Variants in NT5C2 observed in about 807,000 individuals in gnomAD.
The protein encoded by NT5C2 is cytosolic purine 5'-nucleotidase.
A neutral mutation model predicts 76.1 loss-of-function variants in NT5C2; 58 were observed. The observed-to-expected ratio is 0.76, with a 90% confidence interval of 0.62 to 0.95. The LOEUF (loss-of-function observed/expected upper bound fraction) is 0.95. NT5C2 is among the 40% of genes least tolerant of loss of function. The probability of loss-of-function intolerance (pLI) is 0.00; values close to 1 mark genes in which losing one functional copy is unlikely to be tolerated. For synonymous variants in NT5C2, 229 were observed against 237.4 expected (o/e 0.96, Z 0.32); for missense variants, 478 against 690.3 (o/e 0.69, Z 3.45).
At chr10:103,183,973 A>T (rs2091674544) in intron 1 of NT5C2, among the ~76,000 whole-genome samples, 2 of 150,210 alleles carry the variant, frequency 1.3e-5, no homozygotes, top group African/African-American at 4.9e-5. Context: ...TTTTTTTGAG[A>T]CAGAGTTTCA....
intron 1 of NT5C2, among the ~76,000 whole-genome samples, chr10:103,192,807 T>C (rs1407686893): frequency 6.6e-6 from 1 of 151,902 alleles, no homozygotes; most frequent in Non-Finnish European, 1.5e-5. Context: ...GGGAACAGCC[T>C]GGAATCAGCT....
At chr10:103,094,080 T>TCA in intron 13 of NT5C2, 42 bp from the exon 14 acceptor site, 2 of 1,521,294 alleles carry the variant, frequency 1.3e-6, no homozygotes, top group Non-Finnish European at 1.8e-6. Context: ...TATCATCCTA[T>TCA]CACAATCCTC....
Position 103,088,525 on chromosome 10 carries a change from T to A in NT5C2, c.*1147A>T, listed in dbSNP as rs2134411462. On this transcript the variant is annotated 3_prime_UTR_variant, in exon 19 of 19. Transcript: ENST00000404739. Reference sequence around the variant, plus strand: ...TCAGCCTCCTGAGTAGATGATGGGATTACAGGCATGCACCACCACGCCCAG... The same window carrying A: ...TCAGCCTCCTGAGTAGATGATGGGAATACAGGCATGCACCACCACGCCCAG... The A allele has an allele frequency of 6.6e-6, 1 of 152,624 alleles. No individual in the cohort carries two copies. The highest frequency in any genetic ancestry group is 2.1e-4 in the South Asian group (1 of 4,822). 9.5% of individuals were successfully genotyped at this position (152,624 alleles called of 1,614,324 possible).
intron 3 of NT5C2, among the ~76,000 whole-genome samples, chr10:103,173,761 C>T (rs1311294796): frequency 2.0e-5 from 3 of 147,704 alleles, no homozygotes; most frequent in Non-Finnish European, 4.5e-5. Context: ...CCTGTCACTA[C>T]TAAAAAAAAA....
intron 1 of NT5C2, among the ~76,000 whole-genome samples, chr10:103,183,876 CTG>C (rs973663924): frequency 1.3e-4 from 20 of 151,490 alleles, no homozygotes; most frequent in African/African-American, 4.1e-4. Context: ...CTCCTTGAAA[CTG>C]TTGCATTTAA....
intron 4 of NT5C2, among the ~76,000 whole-genome samples, chr10:103,115,245 C>CA (rs1246502369): frequency 6.6e-6 from 1 of 151,850 alleles, no homozygotes; most frequent in Non-Finnish European, 1.5e-5. Flanking sequence ...TACTAAAATA[C>CA]AAAAAAATTA....
chr10:103,151,084 C>A (rs1476925375), intron 3 of NT5C2, among the ~76,000 whole-genome samples: 2 of 151,970 alleles, frequency 1.3e-5, no homozygotes, highest in African/African-American at 4.8e-5. Context: ...TTTTAATGTA[C>A]AGTTTGAGAT....
In NT5C2 at chr10:103,090,756, C is replaced by T; in HGVS notation, c.1304G>A (p.Gly435Glu). ...ACTGCGAAACAGGCTTCCCATCATC[C>T]CATAGCACATGTCCATGTCATGAGT... ...KVTHDMDMCY[G>E]MMGSLFRSGS... is the part of the protein sequence containing the mutation. Residue 435 changes from glycine (G) to glutamate (E), a missense_variant, in exon 18 of 19, where the codon GGG becomes GAG. Gly to Glu is a moderately conservative substitution (Grantham distance 98). Transcript: ENST00000404739. 2.5e-6 allele frequency: 4 copies of T among 1,614,150 alleles called. No individual in the cohort carries two copies. Among genetic ancestry groups the T allele is most frequent in the Non-Finnish European group, 3.4e-6 (4 of 1,180,006 alleles).
chr10:103,124,287 T>C (rs2076268400), intron 4 of NT5C2, among the ~76,000 whole-genome samples: 1 of 152,156 alleles, frequency 6.6e-6, no homozygotes, highest in Non-Finnish European at 1.5e-5. Flanking sequence ...AACATGCTCA[T>C]GGAAACATGC....
intron 12 of NT5C2, among the ~76,000 whole-genome samples, chr10:103,094,810 A>AG (rs34588165): frequency 6.9e-6 from 1 of 145,502 alleles, no homozygotes; most frequent in Non-Finnish European, 1.5e-5. Context: ...TGAACCTAGG[A>AG]GGGGGAGGTT....
intron 4 of NT5C2, among the ~76,000 whole-genome samples, chr10:103,112,587 C>T (rs1170904467): frequency 1.3e-5 from 2 of 152,098 alleles, no homozygotes; most frequent in Non-Finnish European, 1.5e-5. Context: ...GAGTCATTTT[C>T]CCTAGAGACA....
Position 103,089,503 on chromosome 10 carries a change from C to T in NT5C2, c.*169G>A, listed in dbSNP as rs1228825130. 7 of 1,295,858 alleles carry T rather than the reference C, an allele frequency of 5.4e-6. No individual in the cohort carries two copies. The highest frequency in any genetic ancestry group is 7.1e-6 in the Non-Finnish European group (7 of 979,740). The allele number at this position is 1,295,858 out of a possible 1,614,324, so 80.3% of individuals were successfully genotyped here. A position where few individuals can be genotyped will look rare whatever the true frequency, so the allele number is the denominator to read the frequency against. ...ACCATCTGCAGAGAGTACAGATACACAAAACCAAAACAAGTATCTATGATA... is the reference window on the plus strand; with the variant it reads ...ACCATCTGCAGAGAGTACAGATACATAAAACCAAAACAAGTATCTATGATA... On this transcript the variant is annotated 3_prime_UTR_variant, in exon 19 of 19. Transcript: ENST00000404739.
chr10:103,094,838 T>A (rs533764834), intron 12 of NT5C2, among the ~76,000 whole-genome samples: 21 of 146,184 alleles, frequency 1.4e-4, no homozygotes, highest in Non-Finnish European at 2.7e-4. Context: ...GCCGAGATCG[T>A]GCCACTGCAC....
intron 1 of NT5C2, among the ~76,000 whole-genome samples, chr10:103,189,728 G>A (rs1441472472): frequency 1.3e-5 from 2 of 151,120 alleles, no homozygotes; most frequent in East Asian, 3.9e-4. Flanking sequence ...GAGTGCAGTG[G>A]CACGATATAG....
At chr10:103,189,732 G>A (rs565275567) in intron 1 of NT5C2, among the ~76,000 whole-genome samples, 9 of 149,676 alleles carry the variant, frequency 6.0e-5, no homozygotes, top group East Asian at 4.0e-4. Flanking sequence ...GCAGTGGCAC[G>A]ATATAGGCTC....
In NT5C2 at chr10:103,127,854, C is replaced by A. The variant is rs2076965261; in HGVS notation, c.175+11552G>T. On this transcript the variant is annotated intron_variant, in intron 4 of 18. Transcript: ENST00000404739. ...TACAGGCGTGAGCCACCGCGCCCGG[C>A]CTACACCTGGCTAATTTTTATATTT... Among the ~76,000 whole-genome samples, 4 of 151,578 alleles carry A rather than the reference C, an allele frequency of 2.6e-5. No homozygotes were observed. In the South Asian group the frequency reaches 6.3e-4, roughly 24 times the overall value.
intron 3 of NT5C2, among the ~76,000 whole-genome samples, chr10:103,143,828 G>A (rs555224118): frequency 6.6e-6 from 1 of 152,000 alleles, no homozygotes; most frequent in Admixed American, 6.6e-5. Context: ...AGTGGCACAT[G>A]CCTATAGTCT....
intron 4 of NT5C2, among the ~76,000 whole-genome samples, chr10:103,130,970 G>C (rs899770285): frequency 1.3e-5 from 2 of 152,092 alleles, no homozygotes; most frequent in Non-Finnish European, 2.9e-5. Context: ...TTTCCAAAAA[G>C]AAGTCATATG....
At chr10:103,143,010 T>C (rs367761831) in intron 3 of NT5C2, among the ~76,000 whole-genome samples, 1 of 143,742 alleles carries the variant, frequency 7.0e-6, no homozygotes, top group Non-Finnish European at 1.5e-5. Context: ...AAAAGAAGAA[T>C]AGAAAAGAGA....
Sources: allele counts gnomAD v4.1 joint callset (sites outside exome capture counted in the v4.1 genomes callset), GRCh38; gene constraint gnomAD v4.1.1; transcripts MANE v1.5; gene names NCBI Gene and HGNC (gene_info 2026-07-23, HGNC 2026-07-21).